Variants in SLC25A17 observed in about 807,000 individuals in gnomAD.
The protein encoded by SLC25A17 is peroxisomal membrane protein PMP34.
In SLC25A17, 26 loss-of-function variants were observed where a neutral mutation model predicts 38.5. The ratio of observed to expected loss-of-function variants is 0.68; its 90% confidence interval spans 0.50 to 0.94. The LOEUF (loss-of-function observed/expected upper bound fraction) is 0.94, where lower values mean the gene tolerates loss of function less well. SLC25A17 is among the 40% of genes least tolerant of loss of function. The pLI is 0.00. For missense variants in SLC25A17, 333 were observed against 372.7 expected, an observed-to-expected ratio of 0.89 and a Z score of 0.88; for synonymous variants, 139 against 136.2, an observed-to-expected ratio of 1.02 and a Z score of -0.14.
intron 2 of SLC25A17, among the ~76,000 whole-genome samples, 181 bp from the exon 3 acceptor site, chr22:40,794,761 A>G (rs889198926): frequency 2.0e-5 from 3 of 152,092 alleles, no homozygotes; most frequent in Non-Finnish European, 4.4e-5. Context: ...CTGGGATTAC[A>G]GGTGCACACC....
chr22:40,790,736 T>C (rs1487346887), intron 4 of SLC25A17, among the ~76,000 whole-genome samples: 1 of 152,202 alleles, frequency 6.6e-6, no homozygotes, highest in Non-Finnish European at 1.5e-5. Context: ...TTTCAACATA[T>C]AGTCCATGAA....
At chr22:40,817,730 A>G (rs2057657062) in intron 1 of SLC25A17, among the ~76,000 whole-genome samples, 1 of 152,096 alleles carries the variant, frequency 6.6e-6, no homozygotes, top group South Asian at 2.1e-4. Flanking sequence ...TACTCTCAAC[A>G]CAGCAGCCAG....
chr22:40,777,429 A>G, intron 5 of SLC25A17, 56 bp from the exon 6 acceptor site: 2 of 1,552,450 alleles, frequency 1.3e-6, no homozygotes, highest in South Asian at 2.4e-5. Context: ...CCAACTAGAG[A>G]AGACAACATG....
chr22:40,780,166 T>C (rs901954831), intron 4 of SLC25A17: 1 of 152,190 alleles, frequency 6.6e-6, no homozygotes, highest in Non-Finnish European at 1.5e-5. Context: ...ATATTATATA[T>C]AGGAAATACA....
chr22:40,801,935 C>T (rs752740406), intron 1 of SLC25A17, among the ~76,000 whole-genome samples: 2 of 152,064 alleles, frequency 1.3e-5, no homozygotes, highest in East Asian at 1.9e-4. Context: ...GGATTAAGGG[C>T]GCCCGCCTCC....
intron 3 of SLC25A17, among the ~76,000 whole-genome samples, chr22:40,793,085 G>GCACAGGAGCT (rs1435319370): frequency 6.6e-6 from 1 of 151,914 alleles, no homozygotes; most frequent in Non-Finnish European, 1.5e-5. Context: ...ATTCACAAGG[G>GCACAGGAGCT]CACAGGAGCT....
chr22:40,818,514 G>C (rs904247023), intron 1 of SLC25A17, among the ~76,000 whole-genome samples: 1 of 151,756 alleles, frequency 6.6e-6, no homozygotes, highest in Non-Finnish European at 1.5e-5. Flanking sequence ...TTCGAGACCA[G>C]CCTGGGCAAC....
chr22:40,786,860 T>C (rs1321268380), intron 4 of SLC25A17, among the ~76,000 whole-genome samples: 1 of 152,198 alleles, frequency 6.6e-6, no homozygotes, highest in East Asian at 1.9e-4. Flanking sequence ...TTTAGTAAAA[T>C]GGAGAAGACT....
intron 1 of SLC25A17, 70 bp downstream of exon 1, chr22:40,819,125 C>A (rs112710437): frequency 2.0e-6 from 3 of 1,526,698 alleles, no homozygotes; most frequent in African/African-American, 1.4e-5. Flanking sequence ...ATCCCTCAGG[C>A]ATATCCCGGG....
chr22:40,798,995 T>A, intron 2 of SLC25A17, 28 bp downstream of exon 2: 6 of 1,432,588 alleles, frequency 4.2e-6, no homozygotes, highest in Non-Finnish European at 5.9e-6. Context: ...CCTGACACCA[T>A]ACAAATAGGA....
chr22:40,812,461 C>G (rs2057592337), intron 1 of SLC25A17, among the ~76,000 whole-genome samples: 1 of 152,070 alleles, frequency 6.6e-6, no homozygotes, highest in Non-Finnish European at 1.5e-5. Flanking sequence ...AATACAGAAG[C>G]ATATTTTCAT....
intron 8 of SLC25A17, among the ~76,000 whole-genome samples, chr22:40,773,337 G>C (rs1282515536): frequency 5.3e-5 from 8 of 150,738 alleles, no homozygotes; most frequent in Non-Finnish European, 1.2e-4. Context: ...GTGAACCCAG[G>C]AGGCGGAGCT....
At chr22:40,819,036 T>C (rs1474669160) in intron 1 of SLC25A17, among the ~76,000 whole-genome samples, 159 bp downstream of exon 1, 1 of 152,018 alleles carries the variant, frequency 6.6e-6, no homozygotes, top group Non-Finnish European at 1.5e-5. Flanking sequence ...CTCCAACAAC[T>C]TTCCGCCAAT....
intron 2 of SLC25A17, among the ~76,000 whole-genome samples, chr22:40,795,234 C>T (rs1166819823): frequency 1.3e-5 from 2 of 152,126 alleles, no homozygotes; most frequent in Non-Finnish European, 2.9e-5. Flanking sequence ...TACTCATGAA[C>T]CATAAAGCAG....
rs190369187 is a variant in SLC25A17, at chr22:40,796,041, G to A, written c.116-1461C>T. ...TGACCTCAGGTGATCCGCCCGCCTC[G>A]GCCTCCCAAAGTGCTGGGATTACAG... On this transcript the variant is annotated intron_variant, in intron 2 of 8. Coordinates refer to ENST00000435456, the MANE Select transcript of SLC25A17 (RefSeq NM_006358.4). 1.6e-3 allele frequency among the ~76,000 whole-genome samples: 240 copies of A among 151,892 alleles called. 1 individual carries two copies. The highest frequency in any genetic ancestry group is 5.1e-3 in the African/African-American group (213 of 41,428).
At chr22:40,814,828 TTTTG>T (rs1280360066) in intron 1 of SLC25A17, among the ~76,000 whole-genome samples, 123 of 144,926 alleles carry the variant, frequency 8.5e-4, no homozygotes, top group African/African-American at 3.0e-3. Flanking sequence ...TTTTGGTTTT[TTTTG>T]TTTTTGAGAC....
intron 1 of SLC25A17, among the ~76,000 whole-genome samples, chr22:40,815,434 A>T (rs1447736806): frequency 6.6e-6 from 1 of 152,206 alleles, no homozygotes; most frequent in Non-Finnish European, 1.5e-5. Flanking sequence ...TAATTGGAAA[A>T]AACTGAAAAA....
chr22:40,810,347 CTTT>C (rs199943597), intron 1 of SLC25A17, among the ~76,000 whole-genome samples: 9 of 135,534 alleles, frequency 6.6e-5, no homozygotes, highest in Admixed American at 1.5e-4. Flanking sequence ...ATTAAATATT[CTTT>C]TTTTTTTTTT....
chr22:40,786,226 G>A (rs1384624100), intron 4 of SLC25A17, among the ~76,000 whole-genome samples: 2 of 151,830 alleles, frequency 1.3e-5, no homozygotes, highest in Non-Finnish European at 2.9e-5. Context: ...CAGGAGAATC[G>A]CTTGAACCCA....
Sources: allele counts gnomAD v4.1 joint callset (sites outside exome capture counted in the v4.1 genomes callset), GRCh38; gene constraint gnomAD v4.1.1; transcripts MANE v1.5; gene names NCBI Gene and HGNC (gene_info 2026-07-23, HGNC 2026-07-21).